The following PDE11A variants were observed in gnomAD, a reference collection of about 807,000 sequenced individuals.
The protein encoded by PDE11A is phosphodiesterase 11A.
In PDE11A, 100 loss-of-function variants were observed where a neutral mutation model predicts 100.5. The ratio of observed to expected loss-of-function variants is 1.00; its 90% confidence interval spans 0.85 to 1.18. PDE11A has a LOEUF of 1.18. PDE11A is among the 50% of genes most tolerant of loss of function. The probability of loss-of-function intolerance (pLI) is 0.00; values close to 1 mark genes in which losing one functional copy is unlikely to be tolerated. For synonymous variants in PDE11A, 381 were observed against 420.8 expected (o/e 0.91, Z 1.16); for missense variants, 1,141 against 1,152.6 (o/e 0.99, Z 0.15).
intron 10 of PDE11A, among the ~76,000 whole-genome samples, chr2:177,758,344 G>A (rs1354276033): frequency 1.3e-5 from 2 of 151,316 alleles, no homozygotes; most frequent in Admixed American, 1.3e-4. Flanking sequence ...CATTCTCTGT[G>A]GCTATCAAAT....
intron 1 of PDE11A, among the ~76,000 whole-genome samples, chr2:178,060,608 C>A (rs2086956180): frequency 1.3e-5 from 2 of 152,132 alleles, no homozygotes; most frequent in African/African-American, 4.8e-5. Context: ...TATGGTGGAA[C>A]TGGGAATCGA....
chr2:178,023,847 A>T (rs1248489575), intron 1 of PDE11A, among the ~76,000 whole-genome samples: 1 of 152,218 alleles, frequency 6.6e-6, no homozygotes, highest in Non-Finnish European at 1.5e-5. Flanking sequence ...GAGAAAAATT[A>T]TAAAGAAATT....
chr2:177,999,933 C>A (rs1048757734), intron 2 of PDE11A, among the ~76,000 whole-genome samples: 12 of 152,196 alleles, frequency 7.9e-5, no homozygotes, highest in Non-Finnish European at 1.8e-4. Context: ...TCTTAACATA[C>A]TCTCACTCCA....
intron 6 of PDE11A, among the ~76,000 whole-genome samples, chr2:177,832,554 C>CATCTATCCATCTATCT (rs2083328438): frequency 6.8e-6 from 1 of 146,290 alleles, no homozygotes; most frequent in Non-Finnish European, 1.5e-5. Context: ...TACTCACATC[C>CATCTATCCATCTATCT]ATCTATCTAT....
At position 177,677,003 on chromosome 2, in the gene PDE11A, G is replaced by C. The variant is rs564969810; in HGVS notation, c.2424-1485C>G. ...CACATGGATGCTGACAGTACTGGAG[G>C]GGGACAAGACTGGCTAAAGCATTGG... On this transcript the variant is annotated intron_variant, in intron 16 of 19. Transcript: ENST00000286063. Among the ~76,000 whole-genome samples the C allele has an allele frequency of 2.0e-5, 3 of 152,296 alleles. No homozygotes were observed. In the South Asian group the frequency reaches 6.2e-4, roughly 32 times the overall value.
At chr2:178,087,403 C>T (rs943869428) in intron 2 of PDE11A, among the ~76,000 whole-genome samples, 2 of 151,424 alleles carry the variant, frequency 1.3e-5, no homozygotes, top group African/African-American at 4.8e-5. Flanking sequence ...GAATATTTTT[C>T]AGCCACACAA....
At chr2:177,827,914 A>T (rs1295646339) in intron 6 of PDE11A, among the ~76,000 whole-genome samples, 2 of 152,248 alleles carry the variant, frequency 1.3e-5, no homozygotes, top group East Asian at 3.8e-4. Context: ...AATAAATCCC[A>T]AGAAACAGAG....
At chr2:177,743,007 T>G (rs910469121) in intron 10 of PDE11A, among the ~76,000 whole-genome samples, 4 of 152,226 alleles carry the variant, frequency 2.6e-5, no homozygotes, top group Non-Finnish European at 5.9e-5. Flanking sequence ...TTTCCTACTC[T>G]GATGCTTCTG....
intron 2 of PDE11A, among the ~76,000 whole-genome samples, chr2:178,096,548 T>C (rs1323322278): frequency 1.3e-5 from 2 of 152,154 alleles, no homozygotes; most frequent in African/African-American, 4.8e-5. Flanking sequence ...CTTGAACGCT[T>C]TGCTGCTTAG....
chr2:177,721,571 A>G (rs1048734114), intron 12 of PDE11A, among the ~76,000 whole-genome samples: 2 of 152,190 alleles, frequency 1.3e-5, no homozygotes, highest in Non-Finnish European at 2.9e-5. Flanking sequence ...AAAGAAAAAT[A>G]TCAGATTCTT....
At chr2:177,879,242 C>G (rs1017593906) in intron 4 of PDE11A, among the ~76,000 whole-genome samples, 3 of 152,118 alleles carry the variant, frequency 2.0e-5, no homozygotes, top group African/African-American at 7.2e-5. Flanking sequence ...ATTGTATTAT[C>G]CTGACTGGTA....
intron 19 of PDE11A, among the ~76,000 whole-genome samples, chr2:177,658,458 C>T (rs2080423168): frequency 6.6e-6 from 1 of 151,910 alleles, no homozygotes; most frequent in African/African-American, 2.4e-5. Flanking sequence ...TCCTCCCCTT[C>T]CCTCCTCTGC....
intron 1 of PDE11A, among the ~76,000 whole-genome samples, chr2:178,070,091 A>G (rs1289570362): frequency 6.6e-6 from 1 of 152,252 alleles, no homozygotes; most frequent in Non-Finnish European, 1.5e-5. Flanking sequence ...TCTTCAACAT[A>G]TGAATTATTA....
At chr2:178,103,903 C>G (rs577865350) in intron 2 of PDE11A, among the ~76,000 whole-genome samples, 2 of 152,034 alleles carry the variant, frequency 1.3e-5, no homozygotes, top group African/African-American at 4.8e-5. Flanking sequence ...CCTCTTCCCA[C>G]AAACAAAAAA....
At chr2:177,938,754 C>A (rs1325160953) in intron 2 of PDE11A, among the ~76,000 whole-genome samples, 1 of 152,164 alleles carries the variant, frequency 6.6e-6, no homozygotes, top group Non-Finnish European at 1.5e-5. Flanking sequence ...ATTGTTTTCC[C>A]CCACAAAACC....
intron 9 of PDE11A, among the ~76,000 whole-genome samples, chr2:177,777,547 A>T (rs1370693685): frequency 6.6e-6 from 1 of 152,186 alleles, no homozygotes; most frequent in Non-Finnish European, 1.5e-5. Context: ...CTTCCTGGAT[A>T]AGTTAGTTTC....
intron 2 of PDE11A, among the ~76,000 whole-genome samples, chr2:178,103,341 G>A (rs571866345): frequency 5.7e-4 from 87 of 152,252 alleles, no homozygotes; most frequent in African/African-American, 1.9e-3. Context: ...ATGCAGATTA[G>A]TGGTTGCCAG....
chr2:177,657,825 G>A (rs921029346), intron 19 of PDE11A, among the ~76,000 whole-genome samples: 1 of 152,178 alleles, frequency 6.6e-6, no homozygotes. Context: ...AGTTGGTATC[G>A]CCCAGGCAGC....
rs190324002 is a variant in PDE11A, at chr2:177,713,289, G to A, written c.2044-1411C>T. On this transcript the variant is annotated intron_variant, in intron 12 of 19. Coordinates refer to ENST00000286063, the MANE Select transcript of PDE11A (RefSeq NM_016953.4). ...CTCTCAAAATGCTGGGATTATAGGT[G>A]TGAGCCTCCACGCCTGGCTGACAAT... Among the ~76,000 whole-genome samples, 534 of 152,324 alleles carry A rather than the reference G, an allele frequency of 3.5e-3. 5 individuals carry two copies. Among genetic ancestry groups the A allele is most frequent in the African/African-American group, 0.011 (460 of 41,582 alleles).
Sources: gnomAD v4.1 joint callset for allele counts (sites outside exome capture counted in the v4.1 genomes callset) on GRCh38, gnomAD v4.1.1 for gene constraint, MANE v1.5 for transcripts, NCBI Gene and HGNC (gene_info 2026-07-23, HGNC 2026-07-21) for gene names.